Variants in ETFBKMT observed in about 807,000 individuals in gnomAD.
ETFBKMT encodes electron transfer flavoprotein beta subunit lysine methyltransferase.
Under a neutral mutation model 18.3 loss-of-function variants are expected in ETFBKMT, and 13 were observed. That is an observed-to-expected ratio of 0.71 (90% CI 0.46 to 1.13). ETFBKMT has a LOEUF of 1.13. ETFBKMT is among the 50% of genes most tolerant of loss of function. ETFBKMT has a pLI of 0.00. For synonymous variants in ETFBKMT, 84 were observed against 107.9 expected (o/e 0.78, Z 1.37); for missense variants, 293 against 306.2 (o/e 0.96, Z 0.32).
rs1053991252 is a variant in ETFBKMT at position 31,672,195 on chromosome 12, A to G, written c.*4205A>G. ...GAGAGTTATAACTTAAGACAATAAA[A>G]TAATTAAAAATAGTGTTAACATTAA... On this transcript the variant is annotated 3_prime_UTR_variant, in exon 4 of 4. Transcript: ENST00000357721. The G allele has an allele frequency of 2.7e-6, 2 of 743,420 alleles. No individual in the cohort carries two copies. Among genetic ancestry groups the G allele is most frequent in the Non-Finnish European group, 4.6e-6 (2 of 438,296 alleles). The allele number at this position is 743,420 out of a possible 1,614,324, so 46.1% of individuals were successfully genotyped here.
At position 31,672,423 on chromosome 12, in the gene ETFBKMT, G is replaced by A; in HGVS notation, c.*4433G>A. 1.5e-6 allele frequency: 2 copies of A among 1,334,994 alleles called. No homozygotes were observed. Among genetic ancestry groups the A allele is most frequent in the Non-Finnish European group, 2.1e-6 (2 of 950,890 alleles). 82.7% of individuals were successfully genotyped at this position (1,334,994 alleles called of 1,614,324 possible). A position where few individuals can be genotyped will look rare whatever the true frequency, so the allele number is the denominator to read the frequency against. The stretch of plus-strand genomic sequence containing the variant: ...AATATATTAATTGACAATAAAAAAT[G>A]TTTAATGTTTCCTCATGTCTAACTG... On this transcript the variant is annotated 3_prime_UTR_variant, in exon 4 of 4. Coordinates refer to ENST00000357721, the MANE Select transcript of ETFBKMT (RefSeq NM_001135863.2).
Position 31,662,273 on chromosome 12 carries a change from A to AC in ETFBKMT, c.314+9dup. ...GGAGGCCAAGCCCTGTCTAGGTACTACCCTAATGAAACCTTTAAGGCGCTA... is the reference window on the plus strand; with the variant it reads ...GGAGGCCAAGCCCTGTCTAGGTACTACCCCTAATGAAACCTTTAAGGCGCTA... On this transcript the variant is annotated splice_region_variant and intron_variant, in intron 2 of 3. Transcript: ENST00000357721. 1 of 1,612,702 alleles carries AC rather than the reference A, an allele frequency of 6.2e-7. No individual in the cohort carries two copies. Among genetic ancestry groups the AC allele is most frequent in the Non-Finnish European group, 8.5e-7 (1 of 1,179,170 alleles).
In ETFBKMT at chr12:31,670,885, A is replaced by G. The variant is rs1345085649; in HGVS notation, c.*2895A>G. Reference sequence around the variant, plus strand: ...TCTAGAGTAGGGAGACATAATGAACAAATGAAAACAGGCATCAGATGGTGA... The same window carrying G: ...TCTAGAGTAGGGAGACATAATGAACGAATGAAAACAGGCATCAGATGGTGA... On this transcript the variant is annotated 3_prime_UTR_variant, in exon 4 of 4. Transcript: ENST00000357721. The G allele has an allele frequency of 2.0e-5, 3 of 152,250 alleles. No homozygotes were observed. The highest frequency in any genetic ancestry group is 7.2e-5 in the African/African-American group (3 of 41,470). The allele number at this position is 152,250 out of a possible 1,614,324, so 9.4% of individuals were successfully genotyped here. A position where few individuals can be genotyped will look rare whatever the true frequency, so the allele number is the denominator to read the frequency against.
chr12:31,663,137 G>A (rs1297429034), intron 2 of ETFBKMT, among the ~76,000 whole-genome samples: 1 of 151,644 alleles, frequency 6.6e-6, no homozygotes, highest in East Asian at 1.9e-4. Flanking sequence ...CTGTCACCCA[G>A]GCTGGAGTGC....
intron 2 of ETFBKMT, among the ~76,000 whole-genome samples, chr12:31,665,305 A>G: frequency 6.6e-6 from 1 of 152,114 alleles, no homozygotes; most frequent in East Asian, 1.9e-4. Flanking sequence ...TGTGCTTCAC[A>G]CCTGCTGAAG....
rs1951181124 is a variant in ETFBKMT at position 31,665,376 on chromosome 12, T to G, written c.315-711T>G. Among the ~76,000 whole-genome samples the G allele has an allele frequency of 2.0e-5, 3 of 152,238 alleles. No homozygotes were observed. In the South Asian group the frequency reaches 6.2e-4, roughly 32 times the overall value. ...CCTCTGCCCAGCTCTGGAGATGGACTTTTTGTGTCACTCTAGTCAGACCAA... is the reference window on the plus strand; with the variant it reads ...CCTCTGCCCAGCTCTGGAGATGGACGTTTTGTGTCACTCTAGTCAGACCAA... On this transcript the variant is annotated intron_variant, in intron 2 of 3. Coordinates refer to ENST00000357721, the MANE Select transcript of ETFBKMT (RefSeq NM_001135863.2).
At chr12:31,650,626 C>CTTTTTT (rs543201341) in intron 1 of ETFBKMT, among the ~76,000 whole-genome samples, 3 of 140,640 alleles carry the variant, frequency 2.1e-5, no homozygotes, top group Admixed American at 7.4e-5. Context: ...AATGACCTGA[C>CTTTTTT]CTTTTTTTTT....
intron 3 of ETFBKMT, among the ~76,000 whole-genome samples, chr12:31,667,395 C>A (rs1405212810): frequency 6.6e-6 from 1 of 152,172 alleles, no homozygotes; most frequent in African/African-American, 2.4e-5. Context: ...ATGAAATCAG[C>A]AAATATTCCT....
chr12:31,664,657 C>T (rs1951171513), intron 2 of ETFBKMT, among the ~76,000 whole-genome samples: 1 of 140,876 alleles, frequency 7.1e-6, no homozygotes, highest in Non-Finnish European at 1.5e-5. Context: ...GCTCTTGTTG[C>T]CCAGGCTGGA....
Position 31,666,214 on chromosome 12 carries a change from C to T in ETFBKMT, c.442C>T (p.Pro148Ser). Residue 148 changes from proline (P) to serine (S), a missense_variant, in exon 3 of 4, where the codon CCT becomes TCT. Pro to Ser is a moderately conservative substitution (Grantham distance 74). Transcript: ENST00000357721. ...ASRILANDID[P>S]IAGMAITLNC... is the part of the protein sequence containing the mutation. ...AAGGATCTTGGCCAATGACATAGAC[C>T]CTAGTAAGGATTCATATTTTAAAAT... 1 of 1,604,860 alleles carries T rather than the reference C, an allele frequency of 6.2e-7. No homozygotes were observed. The highest frequency in any genetic ancestry group is 1.3e-5 in the African/African-American group (1 of 74,184).
At chr12:31,666,647 A>AT (rs903201739) in intron 3 of ETFBKMT, among the ~76,000 whole-genome samples, 8 of 135,010 alleles carry the variant, frequency 5.9e-5, no homozygotes, top group Non-Finnish European at 1.4e-4. Context: ...CCTTTATTTT[A>AT]TTTTATTTAT....
chr12:31,655,298 G>A (rs1951052290), upstream of ETFBKMT, among the ~76,000 whole-genome samples: 1 of 152,108 alleles, frequency 6.6e-6, no homozygotes, highest in Non-Finnish European at 1.5e-5. Context: ...CTATACATTA[G>A]CCAGATCCCT....
Position 31,671,539 on chromosome 12 carries a change from A to G in ETFBKMT, c.*3549A>G, listed in dbSNP as rs557263071. ...TTGAAAACTAAGACCTTTGCTGTTT[A>G]TTTCACAATGTGAAATCAATAAACC... is the stretch of plus-strand genomic sequence containing the variant. On this transcript the variant is annotated 3_prime_UTR_variant, in exon 4 of 4. Coordinates refer to ENST00000357721, the MANE Select transcript of ETFBKMT (RefSeq NM_001135863.2). 1 of 152,300 alleles carries G rather than the reference A, an allele frequency of 6.6e-6. No individual in the cohort carries two copies. The highest frequency in any genetic ancestry group is 1.5e-5 in the Non-Finnish European group (1 of 67,994). The allele number at this position is 152,300 out of a possible 1,614,324, so 9.4% of individuals were successfully genotyped here.
chr12:31,665,955 C>G, intron 2 of ETFBKMT, 132 bp from the exon 3 acceptor site: 3 of 673,668 alleles, frequency 4.5e-6, no homozygotes, highest in Non-Finnish European at 7.1e-6. Flanking sequence ...CCATCATGAA[C>G]ATGTCACAGT....
At position 31,666,163 on chromosome 12, in the gene ETFBKMT, A is replaced by G. The variant is rs200054836; in HGVS notation, c.391A>G (p.Ile131Val). The G allele has an allele frequency of 3.7e-6, 6 of 1,614,092 alleles. No individual in the cohort carries two copies. The highest frequency in any genetic ancestry group is 1.6e-4 in the Middle Eastern group (1 of 6,062). The change falls in exon 3 of 4, where the codon ATT (isoleucine) becomes GTT (valine). Residue 131 changes from isoleucine (I) to valine (V), a missense_variant. Transcript: ENST00000357721. ...DLGSGCGATA[I>V]AAKMSGASRI... ...TGGGAGTGGATGTGGAGCTACAGCTATTGCTGCTAAGATGAGTGGGGCATC... is the reference window on the plus strand; with the variant it reads ...TGGGAGTGGATGTGGAGCTACAGCTGTTGCTGCTAAGATGAGTGGGGCATC...
Position 31,672,636 on chromosome 12 carries a change from C to A in ETFBKMT, c.*4646C>A. ...GCATTTGTTGTTTTCTCTGTAATTT[C>A]ATCATAATTCCACCAACCAGAGTAA... is the stretch of plus-strand genomic sequence containing the variant. On this transcript the variant is annotated 3_prime_UTR_variant, in exon 4 of 4. Transcript: ENST00000357721. The A allele has an allele frequency of 3.0e-6, 1 of 330,760 alleles. No homozygotes were observed. Among genetic ancestry groups the A allele is most frequent in the Non-Finnish European group, 5.6e-6 (1 of 178,824 alleles). The allele number at this position is 330,760 out of a possible 1,614,324, so 20.5% of individuals were successfully genotyped here.
chr12:31,658,479 CAA>C (rs1485655470), upstream of ETFBKMT, among the ~76,000 whole-genome samples: 15 of 152,308 alleles, frequency 9.8e-5, no homozygotes, highest in East Asian at 7.7e-4. Context: ...ACTGGAAGCA[CAA>C]AGTTTCCTTT....
At chr12:31,651,840 A>G (rs1346527047) in intron 1 of ETFBKMT, among the ~76,000 whole-genome samples, 1 of 152,150 alleles carries the variant, frequency 6.6e-6, no homozygotes, top group Non-Finnish European at 1.5e-5. Context: ...TTTTCATGAA[A>G]AGCAGCCCCA....
rs996442254 is a variant in ETFBKMT at position 31,672,924 on chromosome 12, A to C, written c.*4934A>C. 7 of 153,502 alleles carry C rather than the reference A, an allele frequency of 4.6e-5. No homozygotes were observed. The highest frequency in any genetic ancestry group is 1.4e-4 in the African/African-American group (6 of 41,440). 9.5% of individuals were successfully genotyped at this position (153,502 alleles called of 1,614,324 possible). ...CTGAACATTTTTCCATGTCTGTATA[A>C]TACTACTATAAAGCATGATTTTAAA... is the stretch of plus-strand genomic sequence containing the variant. On this transcript the variant is annotated 3_prime_UTR_variant, in exon 4 of 4. Transcript: ENST00000357721.
Sources: allele counts gnomAD v4.1 joint callset (sites outside exome capture counted in the v4.1 genomes callset), GRCh38; gene constraint gnomAD v4.1.1; transcripts MANE v1.5; gene names NCBI Gene and HGNC (gene_info 2026-07-23, HGNC 2026-07-21).